Variants in LPCAT2 observed in about 807,000 individuals in gnomAD.
LPCAT2 encodes lysophosphatidylcholine acyltransferase 2.
In LPCAT2, 58 loss-of-function variants were observed where a neutral mutation model predicts 64.7. That is an observed-to-expected ratio of 0.90 (90% CI 0.73 to 1.12). The LOEUF (loss-of-function observed/expected upper bound fraction) is 1.12, where lower values mean the gene tolerates loss of function less well. Among genes scored for constraint, LPCAT2 ranks in the 50% most tolerant of loss-of-function variants. The pLI, the probability that LPCAT2 is intolerant of heterozygous loss-of-function variation, is 0.00. For synonymous variants in LPCAT2, 252 were observed against 245.3 expected (o/e 1.03, Z -0.26); for missense variants, 579 against 669.8 (o/e 0.86, Z 1.50).
At chr16:55,579,052 T>C in intron 12 of LPCAT2, 57 bp from the exon 13 acceptor site, 2 of 1,540,714 alleles carry the variant, frequency 1.3e-6, no homozygotes, top group Non-Finnish European at 1.8e-6. Context: ...TTTTCCAAGA[T>C]TATTCCCTAC....
intron 2 of LPCAT2, among the ~76,000 whole-genome samples, chr16:55,526,993 T>TA (rs1176325911): frequency 6.6e-6 from 1 of 152,014 alleles, no homozygotes; most frequent in Admixed American, 6.6e-5. Context: ...TCACTATGGA[T>TA]AAAAAATAAG....
intron 1 of LPCAT2, among the ~76,000 whole-genome samples, chr16:55,524,987 C>T (rs189352463): frequency 1.7e-4 from 26 of 152,056 alleles, no homozygotes; most frequent in Non-Finnish European, 3.7e-4. Context: ...TTCATTTCTT[C>T]TTCTTATTTA....
At chr16:55,533,013 G>C in intron 6 of LPCAT2, 131 bp downstream of exon 6, 1 of 625,506 alleles carries the variant, frequency 1.6e-6, no homozygotes. Flanking sequence ...AGCTCATTCT[G>C]CTCGCCACAT....
intron 13 of LPCAT2, among the ~76,000 whole-genome samples, chr16:55,582,548 AATTT>A (rs1422781175): frequency 3.9e-5 from 6 of 152,232 alleles, no homozygotes; most frequent in African/African-American, 1.2e-4. Context: ...AGTATGACAC[AATTT>A]ATTTATGCAT....
At chr16:55,567,056 G>A (rs1963708458) in intron 11 of LPCAT2, 1 of 1,613,794 alleles carries the variant, frequency 6.2e-7, no homozygotes, top group East Asian at 2.2e-5. Flanking sequence ...CCACTGATCT[G>A]ATGAATATTC....
intron 11 of LPCAT2, among the ~76,000 whole-genome samples, chr16:55,555,091 G>A (rs865824477): frequency 1.3e-5 from 2 of 152,144 alleles, no homozygotes; most frequent in Admixed American, 1.3e-4. Context: ...TTATCAACAC[G>A]TGACATGAAG....
rs565287503 is a variant in LPCAT2, at chr16:55,582,629, C to CA, written c.1451-284dup. ...CTATTATAAATAATGTTGCTGTGAA[C>CA]ATTCTCATACATGTCTCTCAGAGCA... On this transcript the variant is annotated intron_variant, in intron 13 of 13. Coordinates refer to ENST00000262134, the MANE Select transcript of LPCAT2 (RefSeq NM_017839.5). Among the ~76,000 whole-genome samples, 26 of 152,092 alleles carry CA rather than the reference C, an allele frequency of 1.7e-4. 1 individual carries two copies. The South Asian group carries it at 5.4e-3, about 32-fold the overall frequency.
chr16:55,569,138 C>T (rs1266697547), intron 11 of LPCAT2, among the ~76,000 whole-genome samples: 3 of 152,230 alleles, frequency 2.0e-5, no homozygotes, highest in African/African-American at 4.8e-5. Context: ...TAACATCCCT[C>T]AGCTTCCTGT....
chr16:55,519,130 T>G (rs1482896237), intron 1 of LPCAT2, among the ~76,000 whole-genome samples: 1 of 152,054 alleles, frequency 6.6e-6, no homozygotes, highest in Non-Finnish European at 1.5e-5. Context: ...AATGAAAATA[T>G]TATTCAGAAA....
At chr16:55,550,371 A>T (rs1226604679) in intron 10 of LPCAT2, among the ~76,000 whole-genome samples, 1 of 152,216 alleles carries the variant, frequency 6.6e-6, no homozygotes, top group African/African-American at 2.4e-5. Context: ...GAATCCCCCT[A>T]TCATAACATT....
chr16:55,554,160 A>C (rs1963549350), intron 11 of LPCAT2, among the ~76,000 whole-genome samples: 1 of 152,176 alleles, frequency 6.6e-6, no homozygotes, highest in African/African-American at 2.4e-5. Flanking sequence ...GTGAGCATTG[A>C]CTTCAACTTA....
Position 55,549,393 on chromosome 16 carries a change from G to A in LPCAT2, c.1052G>A (p.Arg351Gln), listed in dbSNP as rs558390066. The change falls in exon 10 of 14, where the codon CGA (arginine) becomes CAA (glutamine). Residue 351 changes from arginine (R) to glutamine (Q), a missense_variant. Coordinates refer to ENST00000262134, the MANE Select transcript of LPCAT2 (RefSeq NM_017839.5). Reference sequence around the variant, plus strand: ...CTGGTGGAATTTACTAAAATTAGCCGAAAATTGAAGTAAGTGTATTTTAAA... The same window carrying A: ...CTGGTGGAATTTACTAAAATTAGCCAAAAATTGAAGTAAGTGTATTTTAAA... ...AGLVEFTKIS[R>Q]KLKLDWDGVR... is the part of the protein sequence containing the mutation. 67 of 1,587,766 alleles carry A rather than the reference G, an allele frequency of 4.2e-5. 1 individual carries two copies. The East Asian group carries it at 8.6e-4, about 20-fold the overall frequency.
intron 11 of LPCAT2, chr16:55,567,242 CAG>C: frequency 6.2e-7 from 1 of 1,613,736 alleles, no homozygotes; most frequent in Non-Finnish European, 8.5e-7. Flanking sequence ...AGCAGTATGA[CAG>C]GGACCATTCT....
chr16:55,533,406 G>GTTTTTTT (rs11335464), intron 6 of LPCAT2, among the ~76,000 whole-genome samples: 4,433 of 96,488 alleles, frequency 0.046, 232 homozygotes, highest in Middle Eastern at 0.065. Flanking sequence ...TGTTTTTCGG[G>GTTTTTTT]TTTTTTTTTT....
intron 9 of LPCAT2, 69 bp from the exon 10 acceptor site, chr16:55,549,208 G>A (rs1963487177): frequency 7.7e-7 from 1 of 1,301,208 alleles, no homozygotes. Flanking sequence ...ACCAGTTAAA[G>A]CCTAGTGAAA....
intron 4 of LPCAT2, among the ~76,000 whole-genome samples, chr16:55,531,068 C>T (rs1162490546): frequency 3.9e-5 from 6 of 151,904 alleles, no homozygotes; most frequent in African/African-American, 1.5e-4. Context: ...TATTGTATCC[C>T]GTTGTCATAG....
intron 1 of LPCAT2, among the ~76,000 whole-genome samples, chr16:55,511,384 A>G (rs951872633): frequency 6.6e-6 from 1 of 152,192 alleles, no homozygotes; most frequent in Non-Finnish European, 1.5e-5. Context: ...TAGAAAAACA[A>G]TGTCCATATT....
intron 12 of LPCAT2, among the ~76,000 whole-genome samples, chr16:55,576,821 A>G (rs1337670909): frequency 6.6e-6 from 1 of 152,146 alleles, no homozygotes; most frequent in African/African-American, 2.4e-5. Context: ...GGGAGTGACG[A>G]GTAAGTGAGG....
chr16:55,580,124 T>C (rs1963872944), intron 13 of LPCAT2, among the ~76,000 whole-genome samples: 1 of 152,210 alleles, frequency 6.6e-6, no homozygotes, highest in South Asian at 2.1e-4. Context: ...TCTTTCCTTA[T>C]GGTGTTCAAG....
Sources: allele counts gnomAD v4.1 joint callset (sites outside exome capture counted in the v4.1 genomes callset), GRCh38; gene constraint gnomAD v4.1.1; transcripts MANE v1.5; gene names NCBI Gene and HGNC (gene_info 2026-07-23, HGNC 2026-07-21).